The following SEPTIN5 variants were observed in gnomAD, a reference collection of about 807,000 sequenced individuals.
SEPTIN5 encodes the protein septin-5.
In SEPTIN5, 16 loss-of-function variants were observed where a neutral mutation model predicts 51.2. The observed-to-expected ratio is 0.31, with a 90% CI of 0.21 to 0.47. The LOEUF is 0.47. SEPTIN5 is among the 20% of genes least tolerant of loss of function. The pLI is 0.99. For missense variants in SEPTIN5, 376 were observed against 500.3 expected (o/e 0.75, Z 2.37); for synonymous variants, 208 against 191.2 (o/e 1.09, Z -0.72).
Position 19,714,702 on chromosome 22 carries a change from C to A in SEPTIN5, c.43+71C>A. The stretch of plus-strand genomic sequence containing the variant: ...GCCGCCCGCGCGCCTCTCACCGTGT[C>A]TCTCCGTCTCTCCCCCGCCCGCCGG... On this transcript the variant is annotated intron_variant, in intron 1 of 11. Coordinates refer to ENST00000455784, the MANE Select transcript of SEPTIN5 (RefSeq NM_002688.6). The surrounding 1 kb of genome is among the most constrained non-coding windows in gnomAD (Gnocchi z 5.2). The A allele has an allele frequency of 1.3e-6, 2 of 1,533,824 alleles. No homozygotes were observed. Among genetic ancestry groups the A allele is most frequent in the South Asian group, 2.4e-5 (2 of 83,854 alleles).
intron 3 of SEPTIN5, 48 bp from the exon 4 acceptor site, chr22:19,719,758 G>A (rs1403993462): frequency 2.5e-6 from 4 of 1,612,010 alleles, no homozygotes; most frequent in South Asian, 2.2e-5. Context: ...AAGCTCTGTC[G>A]TTGGAGCCCC....
Position 19,722,485 on chromosome 22 carries a change from CG to C in SEPTIN5, c.*2del, listed in dbSNP as rs1311123263. 21 of 1,592,680 alleles carry C rather than the reference CG, an allele frequency of 1.3e-5. No individual in the cohort carries two copies. The highest frequency in any genetic ancestry group is 1.8e-5 in the Non-Finnish European group (21 of 1,169,880). ...GAAGCAGCAGATGCAGGACCAGTGA[CG>C]CTCGCCGCGGACACACCGTCCGTCT... On this transcript the variant is annotated 3_prime_UTR_variant, in exon 12 of 12. Transcript: ENST00000455784.
In SEPTIN5 at chr22:19,714,599, G is replaced by A. The variant is rs2145783697; in HGVS notation, c.11G>A (p.Gly4Asp). Residue 4 changes from glycine (G) to aspartate (D), a missense_variant, in exon 1 of 12, where the codon GGC becomes GAC. Physicochemically the swap from Gly to Asp is moderately conservative, Grantham distance 94. Around this residue, in one of 2 missense-constraint regions of SEPTIN5, gnomAD observed 287 missense variants for 417.1 expected, o/e 0.69. Transcript: ENST00000455784. The surrounding 1 kb of genome is among the most constrained non-coding windows in gnomAD (Gnocchi z 5.2). MSTGLRYKSKLATP... is the reference protein window; with the variant it reads MSTDLRYKSKLATP... ...CCGCCGGCGGCCACCATGAGCACAG[G>A]CCTGCGGTACAAGAGCAAGCTGGCG... 6.7e-7 allele frequency: 1 copy of A among 1,492,728 alleles called. No homozygotes were observed. Among genetic ancestry groups the A allele is most frequent in the Admixed American group, 2.2e-5 (1 of 46,302 alleles). 92.5% of individuals were successfully genotyped at this position (1,492,728 alleles called of 1,614,324 possible).
Position 19,721,667 on chromosome 22 carries a change from A to G in SEPTIN5, c.745A>G (p.Ser249Gly). 6.2e-7 allele frequency: 1 copy of G among 1,612,804 alleles called. No homozygotes were observed. Among genetic ancestry groups the G allele is most frequent in the Non-Finnish European group, 8.5e-7 (1 of 1,179,746 alleles). ...KESAPFAVIG[S>G]NTVVEAKGQR... ...GAGCGCGCCCTTCGCCGTTATAGGC[A>G]GCAACACGGTGGTGGAGGCCAAGGG... The change falls in exon 9 of 12, where the codon AGC becomes GGC. Residue 249 changes from serine to glycine, a missense_variant. Ser to Gly is a moderately conservative substitution (Grantham distance 56, BLOSUM62 0). This residue lies in a region of SEPTIN5 where 287 missense variants were observed against 417.1 expected (regional missense o/e 0.69). Coordinates refer to ENST00000455784, the MANE Select transcript of SEPTIN5 (RefSeq NM_002688.6).
Position 19,723,091 on chromosome 22 carries a change from C to T in SEPTIN5, c.*607C>T, listed in dbSNP as rs1372975118. Reference sequence around the variant, plus strand: ...CACAGCCCGGCCCGACCTGGAGGGCCCCCGGGGCACTGGGCGGTGAGCCAC... The same window carrying T: ...CACAGCCCGGCCCGACCTGGAGGGCTCCCGGGGCACTGGGCGGTGAGCCAC... On this transcript the variant is annotated 3_prime_UTR_variant, in exon 12 of 12. Transcript: ENST00000455784. The T allele has an allele frequency of 7.5e-6, 4 of 532,904 alleles. No homozygotes were observed. Among genetic ancestry groups the T allele is most frequent in the Non-Finnish European group, 1.4e-5 (4 of 276,850 alleles). 33.0% of individuals were successfully genotyped at this position (532,904 alleles called of 1,614,324 possible). A position where few individuals can be genotyped will look rare whatever the true frequency, so the allele number is the denominator to read the frequency against.
In SEPTIN5 at chr22:19,720,248, G is replaced by C; in HGVS notation, c.362+10G>C. On this transcript the variant is annotated intron_variant, in intron 5 of 11. Coordinates refer to ENST00000455784, the MANE Select transcript of SEPTIN5 (RefSeq NM_002688.6). ...TCAACAACACCGAGTGGTGAGTGAG[G>C]CCTGCTGAGAAAGGCCTTGCCTAGG... The C allele has an allele frequency of 1.9e-6, 3 of 1,613,506 alleles. No individual in the cohort carries two copies. Among genetic ancestry groups the C allele is most frequent in the Non-Finnish European group, 2.5e-6 (3 of 1,179,998 alleles).
rs1373957506 is a variant in SEPTIN5, at chr22:19,723,219, C to G, written c.*735C>G. 2 of 627,426 alleles carry G rather than the reference C, an allele frequency of 3.2e-6. No individual in the cohort carries two copies. Among genetic ancestry groups the G allele is most frequent in the Non-Finnish European group, 5.9e-6 (2 of 337,038 alleles). The allele number at this position is 627,426 out of a possible 1,614,324, so 38.9% of individuals were successfully genotyped here. On this transcript the variant is annotated 3_prime_UTR_variant, in exon 12 of 12. Coordinates refer to ENST00000455784, the MANE Select transcript of SEPTIN5 (RefSeq NM_002688.6). ...TCCTGAGCCTAGGCCTCCCGATGTT[C>G]CCACCCGCATGATCCCTTCCCGCCA...
chr22:19,722,606 G>C lies in SEPTIN5; in HGVS notation c.*122G>C, dbSNP rs1936070445. ...CCCAGCTGACCCTAATTTATTCTCA[G>C]CACCACCCCCTCCCAGGTCATTGTG... On this transcript the variant is annotated 3_prime_UTR_variant, in exon 12 of 12. Transcript: ENST00000455784. 9.9e-7 allele frequency: 1 copy of C among 1,009,870 alleles called. No individual in the cohort carries two copies. Among genetic ancestry groups the C allele is most frequent in the Non-Finnish European group, 1.5e-6 (1 of 677,134 alleles). 62.6% of individuals were successfully genotyped at this position (1,009,870 alleles called of 1,614,324 possible).
chr22:19,718,347 G>A, intron 2 of SEPTIN5: 1 of 969,866 alleles, frequency 1.0e-6, no homozygotes, highest in Non-Finnish European at 1.2e-6. Flanking sequence ...GCTTTCGGGT[G>A]GCTCCGCCCG....
At position 19,722,076 on chromosome 22, in the gene SEPTIN5, C is replaced by CG. The variant is rs1302163297; in HGVS notation, c.950+119_950+120insG. 8 of 1,319,100 alleles carry CG rather than the reference C, an allele frequency of 6.1e-6. No individual in the cohort carries two copies. The African/African-American group carries it at 1.0e-4, about 17-fold the overall frequency. The allele number at this position is 1,319,100 out of a possible 1,614,324, so 81.7% of individuals were successfully genotyped here. ...AACTTTGCACCATTCCCTAAGCCCC[C>CG]CCCCTCCCCCAGAGCCTGGTCTCCC... On this transcript the variant is annotated intron_variant, in intron 10 of 11. Coordinates refer to ENST00000455784, the MANE Select transcript of SEPTIN5 (RefSeq NM_002688.6).
rs1284594782 is a variant in SEPTIN5 at position 19,720,679 on chromosome 22, T to C, written c.615+13T>C. ...GCTGAAGGAGCGGGTGAGCCTGCCGTCGCACAGGGGCCTGGCCAGGGCCCT... is the reference window on the plus strand; with the variant it reads ...GCTGAAGGAGCGGGTGAGCCTGCCGCCGCACAGGGGCCTGGCCAGGGCCCT... On this transcript the variant is annotated intron_variant, in intron 7 of 11. Transcript: ENST00000455784. The C allele has an allele frequency of 4.3e-6, 7 of 1,612,726 alleles. No homozygotes were observed. Among genetic ancestry groups the C allele is most frequent in the Non-Finnish European group, 5.1e-6 (6 of 1,179,964 alleles).
rs1286116542 is a variant in SEPTIN5, at chr22:19,719,911, G to A, written c.238+19G>A. The stretch of plus-strand genomic sequence containing the variant: ...GCTGAGGGTGAGTGGCCCCCAGGAG[G>A]CCCTGGCACTGATCCCCAGTCCCCT... On this transcript the variant is annotated intron_variant, in intron 4 of 11. Transcript: ENST00000455784. 6.2e-7 allele frequency: 1 copy of A among 1,611,730 alleles called. No individual in the cohort carries two copies. Among genetic ancestry groups the A allele is most frequent in the South Asian group, 1.1e-5 (1 of 91,040 alleles).
rs757994209 is a variant in SEPTIN5, at chr22:19,723,295, C to T, written c.*811C>T. Reference sequence around the variant, plus strand: ...TGAATGCCGCGTCCTGTCCTGGTGACAGGAGAACAATGTTGGTGAACGTCG... The same window carrying T: ...TGAATGCCGCGTCCTGTCCTGGTGATAGGAGAACAATGTTGGTGAACGTCG... On this transcript the variant is annotated 3_prime_UTR_variant, in exon 12 of 12. Coordinates refer to ENST00000455784, the MANE Select transcript of SEPTIN5 (RefSeq NM_002688.6). 16 of 697,350 alleles carry T rather than the reference C, an allele frequency of 2.3e-5. No homozygotes were observed. Among genetic ancestry groups the T allele is most frequent in the Middle Eastern group, 2.3e-4 (1 of 4,376 alleles). 43.2% of individuals were successfully genotyped at this position (697,350 alleles called of 1,614,324 possible).
Position 19,720,386 on chromosome 22 carries a change from C to A in SEPTIN5, c.429C>A (p.Leu143=), listed in dbSNP as rs1182592914. 1 of 1,614,028 alleles carries A rather than the reference C, an allele frequency of 6.2e-7. No individual in the cohort carries two copies. Among genetic ancestry groups the A allele is most frequent in the South Asian group, 1.1e-5 (1 of 91,086 alleles). ...FEQYFRDESG[L]NRKNIQDNRV... is the part of the protein sequence containing the mutation. ...AGTACTTCCGTGATGAGAGCGGCCT[C>A]AACCGAAAGAACATCCAAGACAACC... The change falls in exon 6 of 12, where the codon CTC becomes CTA. Residue 143 remains leucine (L), a synonymous_variant. Transcript: ENST00000455784.
intron 2 of SEPTIN5, chr22:19,717,571 G>A (rs865777608): frequency 8.5e-5 from 27 of 318,126 alleles, no homozygotes; most frequent in African/African-American, 5.9e-4. Flanking sequence ...ATGGGTGGCC[G>A]GCGTTTATTC....
intron 2 of SEPTIN5, chr22:19,717,673 C>T (rs978371502): frequency 3.6e-6 from 1 of 279,352 alleles, no homozygotes; most frequent in African/African-American, 2.3e-5. Flanking sequence ...CTTCTGTCCA[C>T]CCTAAGCCTC....
chr22:19,722,478 C>G lies in SEPTIN5; in HGVS notation c.1104C>G (p.Asp368Glu), dbSNP rs1239852611. 1.3e-6 allele frequency: 2 copies of G among 1,596,868 alleles called. No individual in the cohort carries two copies. The highest frequency in any genetic ancestry group is 8.5e-7 in the Non-Finnish European group (1 of 1,172,110). Reference protein sequence around the residue: ...MLQRMKQQMQDQ With the variant: ...MLQRMKQQMQEQ ...AGAGGATGAAGCAGCAGATGCAGGACCAGTGACGCTCGCCGCGGACACACC... is the reference window on the plus strand; with the variant it reads ...AGAGGATGAAGCAGCAGATGCAGGAGCAGTGACGCTCGCCGCGGACACACC... The change falls in exon 12 of 12, where the codon GAC becomes GAG. Residue 368 changes from aspartate to glutamate, a missense_variant. This residue lies in a region of SEPTIN5 where 89 missense variants were observed against 83.3 expected (regional missense o/e 1.07). Coordinates refer to ENST00000455784, the MANE Select transcript of SEPTIN5 (RefSeq NM_002688.6).
At position 19,720,241 on chromosome 22, in the gene SEPTIN5, G is replaced by A; in HGVS notation, c.362+3G>A. 1 of 1,613,526 alleles carries A rather than the reference G, an allele frequency of 6.2e-7. No individual in the cohort carries two copies. Among genetic ancestry groups the A allele is most frequent in the Non-Finnish European group, 8.5e-7 (1 of 1,180,014 alleles). ...GACGCTGTCAACAACACCGAGTGGT[G>A]AGTGAGGCCTGCTGAGAAAGGCCTT... On this transcript the variant is annotated splice_donor_region_variant and intron_variant, in intron 5 of 11. Transcript: ENST00000455784.
Position 19,720,809 on chromosome 22 carries a change from G to A in SEPTIN5, c.657G>A (p.Gln219=). 1.2e-6 allele frequency: 2 copies of A among 1,613,828 alleles called. No homozygotes were observed. The highest frequency in any genetic ancestry group is 1.7e-6 in the Non-Finnish European group (2 of 1,180,014). ...EIDKFGIHVY[Q]FPECDSDEDE... ...ACAAGTTTGGGATCCATGTATACCA[G>A]TTCCCTGAGTGTGACTCGGACGAGG... Residue 219 remains glutamine (Q), a synonymous_variant, in exon 8 of 12, where the codon CAG becomes CAA. Transcript: ENST00000455784.
Sources: allele counts gnomAD v4.1 joint callset, GRCh38; gene constraint gnomAD v4.1.1; regional missense constraint gnomAD v4.1.1; non-coding constraint Gnocchi (gnomAD v3.1); transcripts MANE v1.5; gene names NCBI Gene and HGNC (gene_info 2026-07-23, HGNC 2026-07-21).